STUM: variants seen among roughly 807,000 people sequenced by gnomAD.
STUM encodes the protein stum, mechanosensory transduction mediator homolog.
In STUM, 8 loss-of-function variants were observed where a neutral mutation model predicts 15.3. The ratio of observed to expected loss-of-function variants is 0.52; its 90% CI spans 0.31 to 0.94. The LOEUF (loss-of-function observed/expected upper bound fraction) is 0.94, where lower values mean the gene tolerates loss of function less well. Ranked by LOEUF, STUM falls within the 40% of genes least tolerant of loss-of-function variation. The pLI, the probability that STUM is intolerant of heterozygous loss-of-function variation, is 0.05. For synonymous variants in STUM, 78 were observed against 88.7 expected (o/e 0.88, Z 0.68); for missense variants, 142 against 204.9 (o/e 0.69, Z 1.87).
intron 1 of STUM, among the ~76,000 whole-genome samples, chr1:226,553,178 C>A (rs545735949): frequency 3.3e-5 from 5 of 152,140 alleles, no homozygotes; most frequent in African/African-American, 1.2e-4. Context: ...GAAAAGCCAC[C>A]CTGGGATGAA....
chr1:226,576,322 T>A (rs1017649967), intron 1 of STUM, among the ~76,000 whole-genome samples: 1 of 152,162 alleles, frequency 6.6e-6, no homozygotes, highest in African/African-American at 2.4e-5. Context: ...ATTCTGGGGT[T>A]CCCAGCCAAA....
Position 226,603,545 on chromosome 1 carries a change from CTTGT to C in STUM, c.*1510_*1513del, listed in dbSNP as rs1316340357. Reference sequence around the variant, plus strand: ...ATTGGGCATGTCCCTCTCTGAAGGGCTTGTTTGTCTATCAGAGACTGTCAGAACT... The same window carrying C: ...ATTGGGCATGTCCCTCTCTGAAGGGCTTGTCTATCAGAGACTGTCAGAACT... On this transcript the variant is annotated 3_prime_UTR_variant, in exon 4 of 4. Coordinates refer to ENST00000366788, the MANE Select transcript of STUM (RefSeq NM_001003665.4). 1 of 152,222 alleles carries C rather than the reference CTTGT, an allele frequency of 6.6e-6. No homozygotes were observed. The highest frequency in any genetic ancestry group is 1.5e-5 in the Non-Finnish European group (1 of 68,056). The allele number at this position is 152,222 out of a possible 1,614,324, so 9.4% of individuals were successfully genotyped here.
chr1:226,568,595 T>A (rs1213941382), intron 1 of STUM, among the ~76,000 whole-genome samples: 1 of 152,202 alleles, frequency 6.6e-6, no homozygotes, highest in Non-Finnish European at 1.5e-5. Flanking sequence ...GGCTGGTGGG[T>A]GGCCAGGAGG....
At chr1:226,598,007 G>C (rs920005853) in intron 2 of STUM, among the ~76,000 whole-genome samples, 1 of 152,208 alleles carries the variant, frequency 6.6e-6, no homozygotes, top group Non-Finnish European at 1.5e-5. Context: ...CTTCCTCCTG[G>C]GAGGGGTGTG....
In STUM at chr1:226,577,856, G is replaced by T. The variant is rs114790839; in HGVS notation, c.203-18946G>T. 8.9e-3 allele frequency among the ~76,000 whole-genome samples: 1,354 copies of T among 152,254 alleles called. 17 individuals are homozygous for T. The highest frequency in any genetic ancestry group is 0.031 in the African/African-American group (1,276 of 41,542). ...ATGAAGGAGACAGAGGCTGCACAGA[G>T]GAGACAGTAGGGCGGGGGAGAGTGA... On this transcript the variant is annotated intron_variant, in intron 1 of 3. Coordinates refer to ENST00000366788, the MANE Select transcript of STUM (RefSeq NM_001003665.4).
intron 1 of STUM, among the ~76,000 whole-genome samples, chr1:226,559,340 T>C (rs1413808099): frequency 6.6e-6 from 1 of 152,098 alleles, no homozygotes; most frequent in Non-Finnish European, 1.5e-5. Flanking sequence ...TGCAACCCCT[T>C]CAATTTACGG....
chr1:226,574,915 A>G (rs1212090751), intron 1 of STUM, among the ~76,000 whole-genome samples: 1 of 152,170 alleles, frequency 6.6e-6, no homozygotes, highest in Non-Finnish European at 1.5e-5. Context: ...GGCCCACCCC[A>G]ACTCATGGGG....
rs1402938436 is a variant in STUM at position 226,565,001 on chromosome 1, G to A, written c.202+15895G>A. Among the ~76,000 whole-genome samples the A allele has an allele frequency of 1.3e-5, 2 of 152,124 alleles. No individual in the cohort carries two copies. The highest frequency in any genetic ancestry group is 1.9e-4 in the East Asian group (1 of 5,192). ...CTCTTCCCTATCCTGCTCTGGACCCGAGGAGGCCGACCTCTACGGCCTGCA... is the reference window on the plus strand; with the variant it reads ...CTCTTCCCTATCCTGCTCTGGACCCAAGGAGGCCGACCTCTACGGCCTGCA... On this transcript the variant is annotated intron_variant, in intron 1 of 3. Coordinates refer to ENST00000366788, the MANE Select transcript of STUM (RefSeq NM_001003665.4). This position sits in a 1 kb window ranked among gnomAD's most constrained non-coding sequence, Gnocchi z 4.4.
rs1667314264 is a variant in STUM, at chr1:226,548,780, ACGGAGCACGGCGGCCGCCTGAGCTCGGCG to A, written c.-118_-90del. On this transcript the variant is annotated 5_prime_UTR_variant, in exon 1 of 4. Coordinates refer to ENST00000366788, the MANE Select transcript of STUM (RefSeq NM_001003665.4). Reference sequence around the variant, plus strand: ...GGAGTCTCCGCGAGCCGCGCGGCGCACGGAGCACGGCGGCCGCCTGAGCTCGGCGCGGAGCCCGGAGCCCGCAGCCGACA... The same window carrying A: ...GGAGTCTCCGCGAGCCGCGCGGCGCACGGAGCCCGGAGCCCGCAGCCGACA... 1 of 741,368 alleles carries A rather than the reference ACGGAGCACGGCGGCCGCCTGAGCTCGGCG, an allele frequency of 1.3e-6. No individual in the cohort carries two copies. Among genetic ancestry groups the A allele is most frequent in the Admixed American group, 4.7e-5 (1 of 21,284 alleles). 45.9% of individuals were successfully genotyped at this position (741,368 alleles called of 1,614,324 possible).
In STUM at chr1:226,567,690, CAAAT is replaced by C. The variant is rs1667645562; in HGVS notation, c.202+18588_202+18591del. Among the ~76,000 whole-genome samples the C allele has an allele frequency of 6.6e-6, 1 of 152,068 alleles. No homozygotes were observed. Among genetic ancestry groups the C allele is most frequent in the African/African-American group, 2.4e-5 (1 of 41,410 alleles). ...CAAACACACATTGGAGAAGAAATGA[CAAAT>C]AAAAGCATTTAAAAGTGGAAGCGTG... is the stretch of plus-strand genomic sequence containing the variant. On this transcript the variant is annotated intron_variant, in intron 1 of 3. Transcript: ENST00000366788. The surrounding 1 kb of genome is among the most constrained non-coding windows in gnomAD (Gnocchi z 4.5).
At chr1:226,571,124 G>C (rs1177489807) in intron 1 of STUM, among the ~76,000 whole-genome samples, 2 of 152,044 alleles carry the variant, frequency 1.3e-5, no homozygotes, top group Non-Finnish European at 2.9e-5. Flanking sequence ...CCATCTATTC[G>C]GGAGGCTGAG....
intron 1 of STUM, among the ~76,000 whole-genome samples, chr1:226,571,701 G>A (rs1008494050): frequency 9.2e-5 from 14 of 151,618 alleles, no homozygotes; most frequent in Non-Finnish European, 1.6e-4. Context: ...GTGCAATGGC[G>A]TGATCTTGGC....
intron 1 of STUM, among the ~76,000 whole-genome samples, chr1:226,590,255 G>A (rs1668065709): frequency 6.6e-6 from 1 of 152,054 alleles, no homozygotes; most frequent in Non-Finnish European, 1.5e-5. Flanking sequence ...CCCACACCCT[G>A]GAATCCACAC....
chr1:226,569,409 A>G (rs1667671414), intron 1 of STUM, among the ~76,000 whole-genome samples: 1 of 152,200 alleles, frequency 6.6e-6, no homozygotes. Context: ...TGTTGAGCAC[A>G]GGGTGAGTCT....
chr1:226,569,811 G>A (rs1368680903), intron 1 of STUM, among the ~76,000 whole-genome samples: 1 of 152,220 alleles, frequency 6.6e-6, no homozygotes, highest in African/African-American at 2.4e-5. Flanking sequence ...ACTGGGAGGG[G>A]ATGGTGGGAT....
chr1:226,584,133 T>C (rs1169581241), intron 1 of STUM, among the ~76,000 whole-genome samples: 2 of 152,136 alleles, frequency 1.3e-5, no homozygotes, highest in Non-Finnish European at 2.9e-5. Flanking sequence ...AAAACCAGGG[T>C]GACTCGATGG....
rs569664070 is a variant in STUM at position 226,587,364 on chromosome 1, G to A, written c.203-9438G>A. Among the ~76,000 whole-genome samples the A allele has an allele frequency of 7.9e-5, 12 of 152,252 alleles. No individual in the cohort carries two copies. In the South Asian group the frequency reaches 2.5e-3, roughly 32 times the overall value. On this transcript the variant is annotated intron_variant, in intron 1 of 3. Transcript: ENST00000366788. ...AGGAAGGACACCAGATGGATGTGTG[G>A]CATCCAAGAAGGCTCCTGTCGTCTT...
chr1:226,555,972 A>G (rs1667439214), intron 1 of STUM, among the ~76,000 whole-genome samples: 1 of 152,270 alleles, frequency 6.6e-6, no homozygotes. Context: ...AATATTATCA[A>G]CATATAATCA....
chr1:226,553,387 G>C (rs1228737291), intron 1 of STUM, among the ~76,000 whole-genome samples: 1 of 152,180 alleles, frequency 6.6e-6, no homozygotes, highest in Non-Finnish European at 1.5e-5. Context: ...AGTAATTGCA[G>C]TAAAGACAAA....
Sources: allele counts gnomAD v4.1 joint callset (sites outside exome capture counted in the v4.1 genomes callset), GRCh38; gene constraint gnomAD v4.1.1; non-coding constraint Gnocchi (gnomAD v3.1); transcripts MANE v1.5; gene names NCBI Gene and HGNC (gene_info 2026-07-23, HGNC 2026-07-21).